SHISA9: variants seen among roughly 807,000 people sequenced by gnomAD.
SHISA9 encodes the protein protein shisa-9.
In SHISA9, 13 loss-of-function variants were observed where a neutral mutation model predicts 38.0. The observed-to-expected ratio is 0.34, with a 90% CI of 0.22 to 0.54. The LOEUF (loss-of-function observed/expected upper bound fraction) is 0.54, where lower values mean the gene tolerates loss of function less well. Ranked by LOEUF, SHISA9 falls within the 20% of genes least tolerant of loss-of-function variation. The probability of loss-of-function intolerance (pLI) is 0.91; values close to 1 mark genes in which losing one functional copy is unlikely to be tolerated. For synonymous variants in SHISA9, 275 were observed against 242.0 expected, an observed-to-expected ratio of 1.14 and a Z score of -1.27; for missense variants, 538 against 575.8, an observed-to-expected ratio of 0.93 and a Z score of 0.67.
chr16:13,379,764 C>G, the SHISA9 span, among the ~76,000 whole-genome samples: 5 of 152,062 alleles, frequency 3.3e-5, no homozygotes, highest in African/African-American at 4.8e-5. Flanking sequence ...CCTTTCTTTT[C>G]TTTTGAGGAG....
intron 2 of SHISA9, among the ~76,000 whole-genome samples, chr16:13,045,618 G>GGGAGAGGGAGAT (rs1491427197): frequency 6.6e-6 from 1 of 151,696 alleles, no homozygotes; most frequent in East Asian, 1.9e-4. Flanking sequence ...GAGAGGGAGA[G>GGGAGAGGGAGAT]GGAGAGGGAG....
At chr16:13,448,559 C>T in the SHISA9 span, among the ~76,000 whole-genome samples, 2 of 152,206 alleles carry the variant, frequency 1.3e-5, no homozygotes, top group Admixed American at 1.3e-4. Flanking sequence ...TAACAGGAAG[C>T]CATCTGTGGC....
the SHISA9 span, among the ~76,000 whole-genome samples, chr16:13,436,096 G>A: frequency 2.0e-5 from 3 of 152,184 alleles, no homozygotes; most frequent in Non-Finnish European, 4.4e-5. Context: ...GTTAGAACCA[G>A]AGTGACTCCG....
At chr16:13,032,693 C>T (rs955879388) in intron 2 of SHISA9, among the ~76,000 whole-genome samples, 5 of 152,294 alleles carry the variant, frequency 3.3e-5, no homozygotes, top group South Asian at 4.1e-4. Context: ...CTTTCTATTA[C>T]ACTTTCTATT....
intron 2 of SHISA9, among the ~76,000 whole-genome samples, chr16:13,004,335 C>G (rs2072567944): frequency 6.6e-6 from 1 of 152,114 alleles, no homozygotes; most frequent in Non-Finnish European, 1.5e-5. Context: ...GCCTGAGGGC[C>G]AGATCAGTGT....
At chr16:13,334,618 CA>C in the SHISA9 span, among the ~76,000 whole-genome samples, 1 of 151,420 alleles carries the variant, frequency 6.6e-6, no homozygotes, top group Admixed American at 6.6e-5. Context: ...ACTCAAAATA[CA>C]AAAAAATAGC....
downstream of SHISA9, among the ~76,000 whole-genome samples, chr16:13,241,205 A>G (rs1440164453): frequency 6.6e-6 from 1 of 152,132 alleles, no homozygotes; most frequent in African/African-American, 2.4e-5. Context: ...AGGCAGAAGG[A>G]CTTTCATGGT....
chr16:13,077,716 A>G (rs891637162), intron 2 of SHISA9, among the ~76,000 whole-genome samples: 1 of 152,202 alleles, frequency 6.6e-6, no homozygotes. Context: ...TAACTGGCTC[A>G]GACCCTCATT....
rs145503940 is a variant in SHISA9, at chr16:12,997,449, C to T, written c.691+80634C>T. ...TTTTAGACAGTCTCGCTCTGTTGGC[C>T]AAGGTGGAGTGCAATGGTGCGATCT... On this transcript the variant is annotated intron_variant, in intron 2 of 4. Coordinates refer to ENST00000558583, the MANE Select transcript of SHISA9 (RefSeq NM_001145204.3). Among the ~76,000 whole-genome samples the T allele has an allele frequency of 2.5e-3, 382 of 150,256 alleles. 3 individuals carry two copies. Among genetic ancestry groups the T allele is most frequent in the African/African-American group, 9.0e-3 (368 of 40,810 alleles).
the SHISA9 span, among the ~76,000 whole-genome samples, chr16:13,396,902 G>A: frequency 6.6e-6 from 1 of 152,030 alleles, no homozygotes; most frequent in Non-Finnish European, 1.5e-5. Flanking sequence ...CCCTTGAACA[G>A]CATGAGTTTA....
At chr16:12,920,178 C>A (rs9924696) in intron 2 of SHISA9, among the ~76,000 whole-genome samples, 36,755 of 129,042 alleles carry the variant, frequency 0.28, 5,133 homozygotes, top group Middle Eastern at 0.35. Context: ...GTCGTGGGTA[C>A]GGGGAGGGGG....
chr16:12,995,566 A>C (rs1428088583), intron 2 of SHISA9, among the ~76,000 whole-genome samples: 2 of 152,142 alleles, frequency 1.3e-5, no homozygotes, highest in Non-Finnish European at 2.9e-5. Flanking sequence ...GTGTCTTTTG[A>C]ATGTTCATCT....
the SHISA9 span, among the ~76,000 whole-genome samples, chr16:13,469,413 GAAAGAAA>G: frequency 2.6e-5 from 3 of 113,590 alleles, no homozygotes; most frequent in Admixed American, 8.1e-5. Flanking sequence ...AAGAAAGAAA[GAAAGAAA>G]GAAAAAGAAA....
the SHISA9 span, among the ~76,000 whole-genome samples, chr16:13,291,260 T>C: frequency 6.6e-6 from 1 of 152,186 alleles, no homozygotes; most frequent in Admixed American, 6.6e-5. Context: ...ACTTCCACCA[T>C]TTTTTATTGA....
At chr16:12,906,965 T>C (rs1419496044) in intron 1 of SHISA9, among the ~76,000 whole-genome samples, 1 of 151,960 alleles carries the variant, frequency 6.6e-6, no homozygotes, top group Non-Finnish European at 1.5e-5. Context: ...CAATTATTAG[T>C]ATTTTGTCAT....
Position 13,016,217 on chromosome 16 carries a change from T to A in SHISA9, c.691+99402T>A, listed in dbSNP as rs2072755745. Among the ~76,000 whole-genome samples, 3 of 151,908 alleles carry A rather than the reference T, an allele frequency of 2.0e-5. No individual in the cohort carries two copies. In the South Asian group the frequency reaches 6.2e-4, roughly 32 times the overall value. Reference sequence around the variant, plus strand: ...CTGGTCTTGAACTCCTAAAGTGATCTGCCTATCTTGGCCTCCCAAAGTGTT... The same window carrying A: ...CTGGTCTTGAACTCCTAAAGTGATCAGCCTATCTTGGCCTCCCAAAGTGTT... On this transcript the variant is annotated intron_variant, in intron 2 of 4. Transcript: ENST00000558583.
At chr16:13,141,713 T>C (rs1249157855) in intron 2 of SHISA9, among the ~76,000 whole-genome samples, 1 of 152,106 alleles carries the variant, frequency 6.6e-6, no homozygotes, top group African/African-American at 2.4e-5. Context: ...TAAAATAGTT[T>C]AGATTTACAG....
At chr16:13,465,433 G>A in the SHISA9 span, among the ~76,000 whole-genome samples, 1 of 152,190 alleles carries the variant, frequency 6.6e-6, no homozygotes, top group African/African-American at 2.4e-5. Flanking sequence ...AGGATTTCTA[G>A]TAGGTTGTGG....
At chr16:13,220,841 G>A (rs79836685) in intron 4 of SHISA9, among the ~76,000 whole-genome samples, 3,036 of 152,266 alleles carry the variant, frequency 0.02, 41 homozygotes, top group Non-Finnish European at 0.03. Context: ...TGACTGCACA[G>A]CAGGACTGCC....
Sources: allele counts gnomAD v4.1 joint callset (sites outside exome capture counted in the v4.1 genomes callset), GRCh38; gene constraint gnomAD v4.1.1; transcripts MANE v1.5; gene names NCBI Gene and HGNC (gene_info 2026-07-23, HGNC 2026-07-21).